The following DLG2 variants were observed in gnomAD, a reference collection of about 807,000 sequenced individuals.
DLG2 encodes discs large MAGUK scaffold protein 2.
In DLG2, 45 loss-of-function variants were observed where a neutral mutation model predicts 132.5. The observed-to-expected ratio is 0.34, with a 90% CI of 0.27 to 0.44. The LOEUF is 0.44. DLG2 is among the 20% of genes least tolerant of loss of function. The pLI, the probability that DLG2 is intolerant of heterozygous loss-of-function variation, is 1.00. For synonymous variants in DLG2, 424 were observed against 419.6 expected (o/e 1.01, Z -0.13); for missense variants, 1,045 against 1,196.9 (o/e 0.87, Z 1.87).
intron 3 of DLG2, among the ~76,000 whole-genome samples, chr11:85,565,703 C>A (rs977874005): frequency 6.6e-6 from 1 of 152,042 alleles, no homozygotes; most frequent in Admixed American, 6.6e-5. Flanking sequence ...CTTTTTATAG[C>A]CAAATGGGTA....
At chr11:84,053,315 T>C (rs1159991920) in intron 11 of DLG2, among the ~76,000 whole-genome samples, 1 of 151,930 alleles carries the variant, frequency 6.6e-6, no homozygotes, top group Non-Finnish European at 1.5e-5. Context: ...GAATAGCTGT[T>C]GGATGCTGGG....
chr11:84,213,228 C>G (rs979840448), intron 8 of DLG2, among the ~76,000 whole-genome samples: 4 of 152,180 alleles, frequency 2.6e-5, no homozygotes, highest in African/African-American at 9.7e-5. Flanking sequence ...CCCATCTAAC[C>G]TTCCATACCC....
chr11:84,258,076 A>ACCTT (rs1385704415), intron 7 of DLG2, among the ~76,000 whole-genome samples: 1 of 152,082 alleles, frequency 6.6e-6, no homozygotes, highest in East Asian at 1.9e-4. Context: ...TGGCCCAAGA[A>ACCTT]CCTTCCCCTC....
chr11:84,729,272 C>G (rs893538621), intron 6 of DLG2, among the ~76,000 whole-genome samples: 2 of 152,052 alleles, frequency 1.3e-5, no homozygotes, highest in African/African-American at 4.8e-5. Flanking sequence ...CCAGGGATTC[C>G]GGTACATTGT....
chr11:83,841,128 C>A (rs2057432576), intron 16 of DLG2, among the ~76,000 whole-genome samples: 2 of 152,238 alleles, frequency 1.3e-5, no homozygotes, highest in Middle Eastern at 3.4e-3. Flanking sequence ...GGCATTGTGG[C>A]CCCCAGTGAG....
chr11:84,496,446 G>T (rs955407087), intron 7 of DLG2, among the ~76,000 whole-genome samples: 1 of 152,080 alleles, frequency 6.6e-6, no homozygotes, highest in Non-Finnish European at 1.5e-5. Context: ...CAGATAGATG[G>T]CTTTAACCTT....
chr11:84,803,139 G>C (rs1196212409), intron 6 of DLG2, among the ~76,000 whole-genome samples: 1 of 152,064 alleles, frequency 6.6e-6, no homozygotes, highest in Non-Finnish European at 1.5e-5. Flanking sequence ...ATCAACTCTT[G>C]TCCAACAAAA....
chr11:84,679,097 G>A (rs1405009826), intron 6 of DLG2, among the ~76,000 whole-genome samples: 1 of 151,812 alleles, frequency 6.6e-6, no homozygotes, highest in Non-Finnish European at 1.5e-5. Context: ...TAAACACAAT[G>A]TATTTGAAAT....
intron 6 of DLG2, among the ~76,000 whole-genome samples, chr11:84,834,489 G>A (rs1290946313): frequency 6.6e-6 from 1 of 151,370 alleles, no homozygotes; most frequent in African/African-American, 2.4e-5. Context: ...CCTCCAAATT[G>A]CTCCTCCTCA....
intron 6 of DLG2, among the ~76,000 whole-genome samples, chr11:84,633,987 C>A (rs1333765293): frequency 1.3e-5 from 2 of 152,174 alleles, no homozygotes; most frequent in Admixed American, 1.3e-4. Flanking sequence ...ATTATTGGCA[C>A]ATTTAGCCAT....
chr11:85,400,712 CAT>C (rs2087981077), intron 3 of DLG2, among the ~76,000 whole-genome samples: 2 of 148,936 alleles, frequency 1.3e-5, no homozygotes, highest in African/African-American at 5.0e-5. Context: ...TGTTCTCACT[CAT>C]AGATGGGAAT....
In DLG2 at chr11:84,128,545, A is replaced by G. The variant is rs149128028; in HGVS notation, c.625-29498T>C. The stretch of plus-strand genomic sequence containing the variant: ...TCTTCCTTCTAGAAATGTGAATAAT[A>G]TATGTATGACTGGGTAAATCTAACT... On this transcript the variant is annotated intron_variant, in intron 9 of 27. Transcript: ENST00000376104. 1.1e-3 allele frequency among the ~76,000 whole-genome samples: 171 copies of G among 152,272 alleles called. 1 individual carries two copies. In the Middle Eastern group the frequency reaches 0.017, roughly 15 times the overall value.
intron 21 of DLG2, among the ~76,000 whole-genome samples, chr11:83,506,055 T>G (rs2094682162): frequency 6.6e-6 from 1 of 152,200 alleles, no homozygotes; most frequent in Non-Finnish European, 1.5e-5. Context: ...GATGGAATGC[T>G]GCTGTGCACG....
At chr11:84,749,829 G>C (rs1022215749) in intron 6 of DLG2, among the ~76,000 whole-genome samples, 2 of 152,084 alleles carry the variant, frequency 1.3e-5, no homozygotes, top group Non-Finnish European at 2.9e-5. Flanking sequence ...TTTCCTCTAC[G>C]TGTTTAGCAC....
chr11:84,340,271 C>T (rs2098508471), intron 7 of DLG2, among the ~76,000 whole-genome samples: 1 of 152,140 alleles, frequency 6.6e-6, no homozygotes, highest in South Asian at 2.1e-4. Flanking sequence ...GTCCACACTG[C>T]CCCAGTCTTT....
At chr11:83,837,723 C>CAAAAAA (rs386374350) in intron 16 of DLG2, among the ~76,000 whole-genome samples, 830 of 44,688 alleles carry the variant, frequency 0.019, 2 homozygotes, top group Non-Finnish European at 0.022. Flanking sequence ...ACATAGCAAG[C>CAAAAAA]AAAAAAAAAA....
intron 7 of DLG2, among the ~76,000 whole-genome samples, chr11:84,265,680 T>C (rs1179904038): frequency 1.3e-5 from 2 of 152,002 alleles, no homozygotes; most frequent in Non-Finnish European, 2.9e-5. Context: ...GATAAATAAA[T>C]ATAAGGAAGA....
intron 4 of DLG2, among the ~76,000 whole-genome samples, chr11:85,185,772 A>G (rs1237458815): frequency 1.3e-5 from 2 of 151,928 alleles, no homozygotes; most frequent in Non-Finnish European, 2.9e-5. Flanking sequence ...CATAATCATT[A>G]TCACATATAT....
chr11:85,444,692 A>C (rs376512528), intron 3 of DLG2, among the ~76,000 whole-genome samples: 8 of 152,166 alleles, frequency 5.3e-5, no homozygotes, highest in African/African-American at 1.9e-4. Context: ...GTCTATGTTC[A>C]TGAGACAGCT....
Sources: gnomAD v4.1 joint callset for allele counts (sites outside exome capture counted in the v4.1 genomes callset) on GRCh38, gnomAD v4.1.1 for gene constraint, MANE v1.5 for transcripts, NCBI Gene and HGNC (gene_info 2026-07-23, HGNC 2026-07-21) for gene names.